Variants in GON4L observed in about 807,000 individuals in gnomAD.
GON4L encodes the protein gon-4 like.
Under a neutral mutation model 211.8 loss-of-function variants are expected in GON4L, and 87 were observed. That is an observed-to-expected ratio of 0.41 (90% CI 0.35 to 0.49). The LOEUF (loss-of-function observed/expected upper bound fraction) is 0.49. GON4L is among the 20% of genes least tolerant of loss of function. The pLI is 0.15. For synonymous variants in GON4L, 875 were observed against 962.6 expected (o/e 0.91, Z 1.68); for missense variants, 2,155 against 2,659.5 (o/e 0.81, Z 4.17).
chr1:155,824,688 G>A lies in GON4L; in HGVS notation c.697+2149C>T, dbSNP rs568375496. ...GAACCTGGGAGGCGGAGGTTGCAGT[G>A]AGCCAAGATCACACCATTGCACTCC... On this transcript the variant is annotated intron_variant, in intron 3 of 31. Transcript: ENST00000368331. Among the ~76,000 whole-genome samples, 4 of 148,260 alleles carry A rather than the reference G, an allele frequency of 2.7e-5. No homozygotes were observed. The South Asian group carries it at 6.4e-4, about 24-fold the overall frequency.
chr1:155,816,734 TGGG>T (rs1668269640), intron 6 of GON4L, among the ~76,000 whole-genome samples: 1 of 132,164 alleles, frequency 7.6e-6, no homozygotes, highest in Non-Finnish European at 1.5e-5. Context: ...ATTCTGCCTA[TGGG>T]GTAGCCCTGC....
At chr1:155,833,025 T>C (rs1387681714) in intron 2 of GON4L, 2 of 152,088 alleles carry the variant, frequency 1.3e-5, no homozygotes, top group African/African-American at 4.8e-5. Context: ...TGTACTTTTA[T>C]TGCTATTACT....
At chr1:155,773,657 TCTTA>T (rs1663452883) in intron 17 of GON4L, among the ~76,000 whole-genome samples, 1 of 152,200 alleles carries the variant, frequency 6.6e-6, no homozygotes, top group African/African-American at 2.4e-5. Flanking sequence ...TTTATTTGAT[TCTTA>T]CTTAAGTTCT....
intron 12 of GON4L, among the ~76,000 whole-genome samples, chr1:155,787,751 C>A (rs1319728987): frequency 6.6e-6 from 1 of 151,384 alleles, no homozygotes; most frequent in African/African-American, 2.4e-5. Context: ...CCAGCCTGGG[C>A]AACAGGGCGA....
At chr1:155,857,925 A>G (rs952358533), upstream of GON4L, among the ~76,000 whole-genome samples, 2 of 152,194 alleles carry the variant, frequency 1.3e-5, no homozygotes, top group South Asian at 4.1e-4. Flanking sequence ...TCTGCATTTT[A>G]CAAAATGCTC....
intron 25 of GON4L, 87 bp from the exon 26 acceptor site, chr1:155,757,410 T>C: frequency 5.8e-6 from 7 of 1,201,034 alleles, no homozygotes; most frequent in Non-Finnish European, 7.1e-6. Flanking sequence ...TTCCATGTTC[T>C]GCTTTCCCAG....
chr1:155,844,962 T>A (rs1671091325), intron 2 of GON4L, among the ~76,000 whole-genome samples: 1 of 152,202 alleles, frequency 6.6e-6, no homozygotes, highest in South Asian at 2.1e-4. Context: ...ACATCCTTGT[T>A]CTGACCCCTT....
Position 155,750,613 on chromosome 1 carries a change from G to A in GON4L, c.6697C>T (p.Leu2233Phe), listed in dbSNP as rs753393082. The A allele has an allele frequency of 1.1e-5, 18 of 1,585,740 alleles. No homozygotes were observed. The South Asian group carries it at 1.7e-4, about 15-fold the overall frequency. Reference sequence around the variant, plus strand: ...TCATCCAGCTCCTCTTCAGACAGAAGGTCCCCATGGTCAGACAGCTGGTCT... The same window carrying A: ...TCATCCAGCTCCTCTTCAGACAGAAAGTCCCCATGGTCAGACAGCTGGTCT... Reference protein sequence around the residue: ...NADQLSDHGDLLSEEELDE With the variant: ...NADQLSDHGDFLSEEELDE The change falls in exon 32 of 32, where the codon CTT (leucine) becomes TTT (phenylalanine). Residue 2233 changes from leucine to phenylalanine, a missense_variant. Physicochemically the swap from Leu to Phe is conservative, Grantham distance 22. This residue lies in a region of GON4L where 186 missense variants were observed against 308.1 expected (regional missense o/e 0.60). Transcript: ENST00000368331.
intron 4 of GON4L, among the ~76,000 whole-genome samples, 175 bp from the exon 5 acceptor site, chr1:155,821,723 T>G (rs1162014285): frequency 1.3e-5 from 2 of 152,230 alleles, no homozygotes; most frequent in African/African-American, 4.8e-5. Flanking sequence ...AAGTAAGTTT[T>G]GGCCAGAACC....
intron 11 of GON4L, among the ~76,000 whole-genome samples, chr1:155,802,153 C>T (rs576398999): frequency 3.3e-4 from 51 of 152,286 alleles, no homozygotes; most frequent in Admixed American, 3.3e-3. Flanking sequence ...AAAGTATTAT[C>T]AGTAGTCCCT....
At chr1:155,852,849 A>G (rs1006498900) in intron 2 of GON4L, among the ~76,000 whole-genome samples, 1 of 151,606 alleles carries the variant, frequency 6.6e-6, no homozygotes, top group African/African-American at 2.4e-5. Flanking sequence ...ACGGTGGCTC[A>G]CACCTGTAAT....
At position 155,826,866 on chromosome 1, in the gene GON4L, A is replaced by G. The variant is rs778200339; in HGVS notation, c.668T>C (p.Ile223Thr). The change falls in exon 3 of 32, where the codon ATA becomes ACA. Residue 223 changes from isoleucine to threonine, a missense_variant. Physicochemically the swap from Ile to Thr is moderately conservative, Grantham distance 89. Transcript: ENST00000368331. The part of the protein sequence containing the change: ...RTLFHQPEEE[I>T]EDGGLFIPME... ...TGGAATGAAGAGTCCACCATCTTCTATCTCTTCCTCAGGTTGGTGAAACAG... is the reference window on the plus strand; with the variant it reads ...TGGAATGAAGAGTCCACCATCTTCTGTCTCTTCCTCAGGTTGGTGAAACAG... 3 of 1,612,614 alleles carry G rather than the reference A, an allele frequency of 1.9e-6. No individual in the cohort carries two copies. The highest frequency in any genetic ancestry group is 2.2e-5 in the East Asian group (1 of 44,888).
intron 21 of GON4L, chr1:155,764,521 C>T (rs930733862): frequency 3.3e-6 from 1 of 303,512 alleles, no homozygotes. Context: ...CTCACTGCAA[C>T]CTCTGTCTCT....
intron 14 of GON4L, among the ~76,000 whole-genome samples, chr1:155,779,952 C>A (rs1444081959): frequency 6.6e-6 from 1 of 152,046 alleles, no homozygotes; most frequent in African/African-American, 2.4e-5. Context: ...CACGCATCAC[C>A]ACGGCCAGCT....
chr1:155,812,723 T>C (rs1345773928), intron 10 of GON4L, among the ~76,000 whole-genome samples: 2 of 152,040 alleles, frequency 1.3e-5, no homozygotes, highest in African/African-American at 4.8e-5. Flanking sequence ...ACCTGGCAAA[T>C]TTTTGTATTT....
At chr1:155,795,392 A>T (rs757666719) in intron 11 of GON4L, among the ~76,000 whole-genome samples, 2 of 152,270 alleles carry the variant, frequency 1.3e-5, no homozygotes, top group African/African-American at 4.8e-5. Context: ...ACACCCAGCT[A>T]ATTTTGTGTA....
intron 27 of GON4L, among the ~76,000 whole-genome samples, chr1:155,755,067 ATTTTTTT>A (rs1231154456): frequency 8.0e-6 from 1 of 125,108 alleles, no homozygotes; most frequent in South Asian, 2.6e-4. Context: ...CGCCTAGCTA[ATTTTTTT>A]TTTTTTTTTT....
rs1664800900 is a variant in GON4L, at chr1:155,784,980, T to A, written c.1788+354A>T. 20 of 363,754 alleles carry A rather than the reference T, an allele frequency of 5.5e-5. 1 individual carries two copies. Among genetic ancestry groups the A allele is most frequent in the South Asian group, 4.2e-4 (19 of 45,348 alleles). The allele number at this position is 363,754 out of a possible 1,614,324, so 22.5% of individuals were successfully genotyped here. A position where few individuals can be genotyped will look rare whatever the true frequency, so the allele number is the denominator to read the frequency against. On this transcript the variant is annotated intron_variant, in intron 13 of 31. Coordinates refer to ENST00000368331, the MANE Select transcript of GON4L (RefSeq NM_001282860.2). ...AAATAATTAGCTGGGTGTGTTGGTA[T>A]GTCCCAGCTACTCAGGAGGCTTAGA...
downstream of GON4L, chr1:155,746,180 CT>C: frequency 2.6e-6 from 3 of 1,143,164 alleles, no homozygotes; most frequent in Non-Finnish European, 3.7e-6. Context: ...CCTTATTTCC[CT>C]TCCGCGTGCC....
Sources: allele counts gnomAD v4.1 joint callset (sites outside exome capture counted in the v4.1 genomes callset), GRCh38; gene constraint gnomAD v4.1.1; regional missense constraint gnomAD v4.1.1; transcripts MANE v1.5; gene names NCBI Gene and HGNC (gene_info 2026-07-23, HGNC 2026-07-21).